Variants in TNIK observed in about 807,000 individuals in gnomAD.
TNIK encodes TRAF2 and NCK-interacting protein kinase.
TNIK carries 49 observed loss-of-function variants against 191.3 expected under a neutral mutation model. The ratio of observed to expected loss-of-function variants is 0.26; its 90% confidence interval spans 0.20 to 0.32. The LOEUF is 0.32. Among genes scored for constraint, TNIK ranks in the 10% least tolerant of loss-of-function variants. The probability of loss-of-function intolerance (pLI) is 1.00; values close to 1 mark genes in which losing one functional copy is unlikely to be tolerated. For synonymous variants in TNIK, 594 were observed against 600.9 expected (o/e 0.99, Z 0.17); for missense variants, 1,155 against 1,702.3 (o/e 0.68, Z 5.66).
chr3:171,454,935 G>A (rs1226995537), intron 1 of TNIK, among the ~76,000 whole-genome samples: 2 of 152,194 alleles, frequency 1.3e-5, no homozygotes. Context: ...CATGATCAAT[G>A]TGTTTGTATT....
rs186027617 is a variant in TNIK at position 171,167,163 on chromosome 3, T to C, written c.881A>G (p.Asn294Ser). 2.5e-6 allele frequency: 4 copies of C among 1,613,960 alleles called. No homozygotes were observed. Among genetic ancestry groups the C allele is most frequent in the East Asian group, 4.5e-5 (2 of 44,880 alleles). Reference sequence around the variant, plus strand: ...GAGTTGAATGCGGACCTGTCGCTCATTAGGTTGGTCTCGTATAAATGGATG... The same window carrying C: ...GAGTTGAATGCGGACCTGTCGCTCACTAGGTTGGTCTCGTATAAATGGATG... ...MKHPFIRDQP[N>S]ERQVRIQLKD... is the part of the protein sequence containing the mutation. The change falls in exon 10 of 33, where the codon AAT (asparagine) becomes AGT (serine). Residue 294 changes from asparagine (N) to serine (S), a missense_variant. Asn to Ser is a conservative substitution (Grantham distance 46). Around this residue, in one of 3 missense-constraint regions of TNIK, gnomAD observed 225 missense variants for 438.9 expected, o/e 0.51. Transcript: ENST00000436636.
chr3:171,286,314 C>T (rs1441877811), intron 2 of TNIK, among the ~76,000 whole-genome samples: 3 of 152,142 alleles, frequency 2.0e-5, no homozygotes, highest in South Asian at 2.1e-4. Flanking sequence ...TGCCCTGACT[C>T]GTTACATGGA....
intron 2 of TNIK, among the ~76,000 whole-genome samples, chr3:171,301,189 G>T (rs1312029274): frequency 6.6e-6 from 1 of 151,918 alleles, no homozygotes; most frequent in African/African-American, 2.4e-5. Flanking sequence ...GCAACAAGAA[G>T]GATAAGCATT....
At chr3:171,455,384 C>A (rs567073513) in intron 1 of TNIK, among the ~76,000 whole-genome samples, 1 of 151,746 alleles carries the variant, frequency 6.6e-6, no homozygotes, top group East Asian at 1.9e-4. Flanking sequence ...GCTGGGACCA[C>A]AGGCACACAC....
At chr3:171,223,238 C>CT (rs1422875309) in intron 3 of TNIK, among the ~76,000 whole-genome samples, 1 of 152,186 alleles carries the variant, frequency 6.6e-6, no homozygotes, top group Non-Finnish European at 1.5e-5. Flanking sequence ...GACTGTCCTC[C>CT]TGGGCTTCCT....
chr3:171,200,320 A>T (rs1739251664), intron 4 of TNIK, among the ~76,000 whole-genome samples: 1 of 152,178 alleles, frequency 6.6e-6, no homozygotes, highest in Non-Finnish European at 1.5e-5. Flanking sequence ...AGCCTGGAGG[A>T]GGTGTCCAAA....
chr3:171,416,771 T>C (rs896906110), intron 1 of TNIK, among the ~76,000 whole-genome samples: 1 of 152,204 alleles, frequency 6.6e-6, no homozygotes, highest in Non-Finnish European at 1.5e-5. Context: ...TAAATCCTTA[T>C]TTACAAGATG....
At chr3:171,447,678 C>T (rs1210064346) in intron 1 of TNIK, among the ~76,000 whole-genome samples, 2 of 152,212 alleles carry the variant, frequency 1.3e-5, no homozygotes, top group African/African-American at 4.8e-5. Flanking sequence ...AATTGGAAGC[C>T]AATCTGGCAA....
In TNIK at chr3:171,108,276, G is replaced by A. The variant is rs570099332; in HGVS notation, c.2285-114C>T. 3.7e-4 allele frequency: 269 copies of A among 733,864 alleles called. 1 individual carries two copies. Among genetic ancestry groups the A allele is most frequent in the South Asian group, 1.2e-3 (41 of 34,350 alleles). 45.5% of individuals were successfully genotyped at this position (733,864 alleles called of 1,614,324 possible). A position where few individuals can be genotyped will look rare whatever the true frequency, so the allele number is the denominator to read the frequency against. The stretch of plus-strand genomic sequence containing the variant: ...CACATTGAGATTACTCAGTGGACAC[G>A]TCATTCACCTGGGCAAATCCTCAAG... On this transcript the variant is annotated intron_variant, in intron 19 of 32. Coordinates refer to ENST00000436636, the MANE Select transcript of TNIK (RefSeq NM_015028.4).
At chr3:171,321,212 A>G (rs911474576) in intron 2 of TNIK, among the ~76,000 whole-genome samples, 2 of 152,208 alleles carry the variant, frequency 1.3e-5, no homozygotes, top group African/African-American at 4.8e-5. Context: ...CTGCCCTAAC[A>G]CTGGCAAATC....
chr3:171,220,043 C>A (rs1406157786), intron 3 of TNIK, among the ~76,000 whole-genome samples: 1 of 152,118 alleles, frequency 6.6e-6, no homozygotes, highest in Non-Finnish European at 1.5e-5. Context: ...ACATATACAC[C>A]ATGGAATGCT....
chr3:171,383,221 A>C (rs1266162129), intron 1 of TNIK, among the ~76,000 whole-genome samples: 1 of 152,218 alleles, frequency 6.6e-6, no homozygotes, highest in Non-Finnish European at 1.5e-5. Flanking sequence ...AATTTTTACA[A>C]GGTGCCTACG....
At chr3:171,453,416 GC>G (rs1278818832) in intron 1 of TNIK, among the ~76,000 whole-genome samples, 2 of 152,038 alleles carry the variant, frequency 1.3e-5, no homozygotes, top group Non-Finnish European at 2.9e-5. Context: ...AAGACAGAGC[GC>G]CCCCTACAGA....
At chr3:171,320,511 C>T (rs922864754) in intron 2 of TNIK, among the ~76,000 whole-genome samples, 1 of 152,174 alleles carries the variant, frequency 6.6e-6, no homozygotes, top group Non-Finnish European at 1.5e-5. Flanking sequence ...AAAAGTACTT[C>T]TGATTTCAGT....
At chr3:171,120,318 T>C (rs1576880083) in intron 18 of TNIK, among the ~76,000 whole-genome samples, 1 of 145,834 alleles carries the variant, frequency 6.9e-6, no homozygotes, top group East Asian at 1.9e-4. Context: ...TTTTCTTTTT[T>C]CTTTCTTTTT....
chr3:171,357,926 G>A (rs1457827163), intron 2 of TNIK, among the ~76,000 whole-genome samples: 1 of 152,136 alleles, frequency 6.6e-6, no homozygotes, highest in Non-Finnish European at 1.5e-5. Context: ...CATGTCATAG[G>A]AACCTGTGAC....
chr3:171,131,000 T>A (rs1255399379), intron 15 of TNIK, among the ~76,000 whole-genome samples: 1 of 152,040 alleles, frequency 6.6e-6, no homozygotes, highest in Admixed American at 6.6e-5. Context: ...TTTTGGGAAG[T>A]GTCAGCAACA....
chr3:171,179,491 G>GT lies in TNIK; in HGVS notation c.640-2112_640-2111insA, dbSNP rs1177634507. Among the ~76,000 whole-genome samples, 3 of 151,606 alleles carry GT rather than the reference G, an allele frequency of 2.0e-5. No homozygotes were observed. In the East Asian group the frequency reaches 5.8e-4, roughly 29 times the overall value. On this transcript the variant is annotated intron_variant, in intron 7 of 32. Coordinates refer to ENST00000436636, the MANE Select transcript of TNIK (RefSeq NM_015028.4). Reference sequence around the variant, plus strand: ...CTTTGAGACGGAGTCTCGCTCTGTCGCCCAGGCTGGAGTGCAGTGGTGCAA... The same window carrying GT: ...CTTTGAGACGGAGTCTCGCTCTGTCGTCCCAGGCTGGAGTGCAGTGGTGCAA...
At chr3:171,273,241 C>T (rs190907418) in intron 2 of TNIK, among the ~76,000 whole-genome samples, 1 of 152,312 alleles carries the variant, frequency 6.6e-6, no homozygotes, top group East Asian at 1.9e-4. Context: ...GCTACAGGGA[C>T]CCACCTGATG....
Sources: gnomAD v4.1 joint callset for allele counts (sites outside exome capture counted in the v4.1 genomes callset) on GRCh38, gnomAD v4.1.1 for gene constraint, gnomAD v4.1.1 regional missense constraint, MANE v1.5 for transcripts, NCBI Gene and HGNC (gene_info 2026-07-23, HGNC 2026-07-21) for gene names.